The following NSD3 variants were observed in gnomAD, a reference collection of about 807,000 sequenced individuals.
NSD3 encodes nuclear receptor binding SET domain protein 3.
In NSD3, 24 loss-of-function variants were observed where a neutral mutation model predicts 160.8. The ratio of observed to expected loss-of-function variants is 0.15; its 90% CI spans 0.11 to 0.21. The LOEUF (loss-of-function observed/expected upper bound fraction) is 0.21, where lower values mean the gene tolerates loss of function less well. NSD3 is among the 10% of genes least tolerant of loss of function. NSD3 has a pLI of 1.00. For synonymous variants in NSD3, 520 were observed against 600.0 expected (o/e 0.87, Z 1.95); for missense variants, 1,157 against 1,735.9 (o/e 0.67, Z 5.93).
chr8:38,369,018 A>C (rs1031412514), intron 1 of NSD3, among the ~76,000 whole-genome samples: 8 of 152,152 alleles, frequency 5.3e-5, no homozygotes, highest in Admixed American at 2.0e-4. Flanking sequence ...CCATTCCCCC[A>C]AAAAAGGCAA....
At chr8:38,310,585 G>A (rs1480279841) in intron 12 of NSD3, among the ~76,000 whole-genome samples, 6 of 151,640 alleles carry the variant, frequency 4.0e-5, no homozygotes, top group African/African-American at 1.5e-4. Context: ...ACAGTTCACC[G>A]CAGTCTTGAC....
chr8:38,298,090 A>G (rs1394218434), intron 15 of NSD3, among the ~76,000 whole-genome samples: 2 of 152,228 alleles, frequency 1.3e-5, no homozygotes, highest in Non-Finnish European at 2.9e-5. Context: ...GAAAACTAGG[A>G]TACAAGAGAA....
chr8:38,341,279 C>T (rs147826094), intron 2 of NSD3, among the ~76,000 whole-genome samples: 5 of 151,998 alleles, frequency 3.3e-5, no homozygotes, highest in East Asian at 3.9e-4. Flanking sequence ...GTAGCTCACA[C>T]CTGTAATCCC....
At chr8:38,367,406 T>C (rs1175941522) in intron 1 of NSD3, among the ~76,000 whole-genome samples, 2 of 152,086 alleles carry the variant, frequency 1.3e-5, no homozygotes, top group African/African-American at 4.8e-5. Flanking sequence ...TATATATATA[T>C]ATGTGGTTAA....
At chr8:38,370,309 T>C (rs1022967449) in intron 1 of NSD3, among the ~76,000 whole-genome samples, 1 of 151,924 alleles carries the variant, frequency 6.6e-6, no homozygotes, top group Non-Finnish European at 1.5e-5. Flanking sequence ...AAATCAAATT[T>C]GAATTTTTTA....
At chr8:38,378,182 G>A (rs192648813) in intron 1 of NSD3, among the ~76,000 whole-genome samples, 48 of 151,664 alleles carry the variant, frequency 3.2e-4, no homozygotes, top group Middle Eastern at 3.4e-3. Context: ...GTGAAACTCC[G>A]TGTCAAAACA....
intron 1 of NSD3, among the ~76,000 whole-genome samples, chr8:38,348,730 T>C (rs1190453348): frequency 2.0e-5 from 3 of 152,166 alleles, no homozygotes. Flanking sequence ...GGTACAATCA[T>C]GGCTCACTAC....
chr8:38,319,126 T>C lies in NSD3; in HGVS notation c.1810-186A>G, dbSNP rs1809739555. 8.8e-6 allele frequency: 5 copies of C among 570,282 alleles called. No homozygotes were observed. Among genetic ancestry groups the C allele is most frequent in the Admixed American group, 3.6e-5 (1 of 28,022 alleles). The allele number at this position is 570,282 out of a possible 1,614,324, so 35.3% of individuals were successfully genotyped here. A position where few individuals can be genotyped will look rare whatever the true frequency, so the allele number is the denominator to read the frequency against. Reference sequence around the variant, plus strand: ...GATCAGGGAGGGTTTAAATCCTAGCTGCCTGTGCTGAATATCAAGTGACAA... The same window carrying C: ...GATCAGGGAGGGTTTAAATCCTAGCCGCCTGTGCTGAATATCAAGTGACAA... On this transcript the variant is annotated intron_variant, in intron 8 of 23. Coordinates refer to ENST00000317025, the MANE Select transcript of NSD3 (RefSeq NM_023034.2). This position sits in a 1 kb window ranked among gnomAD's most constrained non-coding sequence, Gnocchi z 4.1.
rs1417572766 is a variant in NSD3, at chr8:38,293,421, G to A, written c.2915+2375C>T. On this transcript the variant is annotated intron_variant, in intron 16 of 23. Coordinates refer to ENST00000317025, the MANE Select transcript of NSD3 (RefSeq NM_023034.2). ...AAAAATTAGCCAGGCGTGGTGGAGC[G>A]TGCCTGTAGTCCCAGCTACTCGGGG... 5.3e-5 allele frequency among the ~76,000 whole-genome samples: 8 copies of A among 151,236 alleles called. 1 individual carries two copies. The highest frequency in any genetic ancestry group is 3.3e-4 in the Admixed American group (5 of 15,150).
chr8:38,368,173 C>G (rs1811152803), intron 1 of NSD3, among the ~76,000 whole-genome samples: 1 of 152,022 alleles, frequency 6.6e-6, no homozygotes. Context: ...TTAGTCAGGC[C>G]GGTCTCGAAC....
At chr8:38,275,939 G>T in intron 23 of NSD3, 57 bp from the exon 24 acceptor site, 1 of 1,483,396 alleles carries the variant, frequency 6.7e-7, no homozygotes, top group South Asian at 1.2e-5. Flanking sequence ...TGCCTGTCTT[G>T]ATTACCCATG....
chr8:38,371,475 G>T (rs1385044003), intron 1 of NSD3, among the ~76,000 whole-genome samples: 1 of 152,152 alleles, frequency 6.6e-6, no homozygotes, highest in African/African-American at 2.4e-5. Flanking sequence ...ATCAAATTAT[G>T]ATTACTTCCA....
chr8:38,325,976 T>G (rs1050089129), intron 7 of NSD3, among the ~76,000 whole-genome samples: 1 of 151,860 alleles, frequency 6.6e-6, no homozygotes, highest in African/African-American at 2.4e-5. Flanking sequence ...GGTGAAACTT[T>G]GTCTCTACTA....
chr8:38,374,220 A>G (rs531347021), intron 1 of NSD3, among the ~76,000 whole-genome samples: 4 of 152,046 alleles, frequency 2.6e-5, no homozygotes, highest in East Asian at 1.9e-4. Flanking sequence ...CAAGACTGCA[A>G]TGATCTAGGA....
intron 2 of NSD3, among the ~76,000 whole-genome samples, chr8:38,343,519 A>T (rs976778604): frequency 1.3e-5 from 2 of 152,188 alleles, no homozygotes; most frequent in Non-Finnish European, 2.9e-5. Context: ...CCTGGCCAAC[A>T]TAATGAAACC....
intron 1 of NSD3, among the ~76,000 whole-genome samples, chr8:38,369,345 A>G (rs1484054158): frequency 6.6e-6 from 1 of 152,202 alleles, no homozygotes; most frequent in African/African-American, 2.4e-5. Flanking sequence ...AAACAGTGGA[A>G]GTAAAATTGG....
At chr8:38,377,684 T>G (rs1482045453) in intron 1 of NSD3, among the ~76,000 whole-genome samples, 1 of 151,984 alleles carries the variant, frequency 6.6e-6, no homozygotes, top group Non-Finnish European at 1.5e-5. Flanking sequence ...TAAAAAGATG[T>G]CCCAGATAGG....
At chr8:38,326,271 AC>A (rs1809909552) in intron 7 of NSD3, among the ~76,000 whole-genome samples, 1 of 152,246 alleles carries the variant, frequency 6.6e-6, no homozygotes, top group African/African-American at 2.4e-5. Context: ...AAAACAGGTT[AC>A]ATTAGGACAA....
At chr8:38,323,321 G>A (rs1265284834) in intron 7 of NSD3, among the ~76,000 whole-genome samples, 2 of 152,164 alleles carry the variant, frequency 1.3e-5, no homozygotes, top group South Asian at 4.2e-4. Flanking sequence ...CTCCCAAACT[G>A]CTGGGATTAC....
Sources: gnomAD v4.1 joint callset for allele counts (sites outside exome capture counted in the v4.1 genomes callset) on GRCh38, gnomAD v4.1.1 for gene constraint, Gnocchi (gnomAD v3.1) non-coding constraint, MANE v1.5 for transcripts, NCBI Gene and HGNC (gene_info 2026-07-23, HGNC 2026-07-21) for gene names.